MICAL3: variants seen among roughly 807,000 people sequenced by gnomAD.
MICAL3 encodes [F-actin]-monooxygenase MICAL3.
In MICAL3, 62 loss-of-function variants were observed where a neutral mutation model predicts 207.4. The ratio of observed to expected loss-of-function variants is 0.30; its 90% CI spans 0.24 to 0.37. The LOEUF is 0.37. Ranked by LOEUF, MICAL3 falls within the 10% of genes least tolerant of loss-of-function variation. The pLI is 1.00. For missense variants in MICAL3, 2,368 were observed against 2,635.6 expected, an observed-to-expected ratio of 0.90 and a Z score of 2.22; for synonymous variants, 1,077 against 1,069.3, an observed-to-expected ratio of 1.01 and a Z score of -0.14.
At chr22:17,941,435 G>GAAA (rs1933801438) in intron 1 of MICAL3, among the ~76,000 whole-genome samples, 4 of 152,208 alleles carry the variant, frequency 2.6e-5, no homozygotes, top group Non-Finnish European at 4.4e-5. Flanking sequence ...TTGGAGAGAG[G>GAAA]CCAATGGATT....
intron 1 of MICAL3, among the ~76,000 whole-genome samples, chr22:17,948,243 G>A (rs547474496): frequency 1.3e-5 from 2 of 152,352 alleles, no homozygotes; most frequent in East Asian, 1.9e-4. Context: ...GCCCCCGCAG[G>A]AGGATGCGCA....
In MICAL3 at chr22:17,963,520, G is replaced by A. The variant is rs567890586; in HGVS notation, c.-74-56634C>T. Among the ~76,000 whole-genome samples the A allele has an allele frequency of 1.1e-4, 17 of 152,150 alleles. No individual in the cohort carries two copies. The South Asian group carries it at 1.7e-3, about 15-fold the overall frequency. ...GAACACGTGATGGGCCTCCGTCGCC[G>A]GTTCCTTACCCTGCCACGGCCAAGC... On this transcript the variant is annotated intron_variant, in intron 1 of 31. Coordinates refer to ENST00000441493, the MANE Select transcript of MICAL3 (RefSeq NM_015241.3).
chr22:17,947,302 T>C (rs1281686154), intron 1 of MICAL3, among the ~76,000 whole-genome samples: 2 of 152,190 alleles, frequency 1.3e-5, no homozygotes, highest in Admixed American at 1.3e-4. Context: ...AAACTGCCAA[T>C]GAGACAATGT....
intron 19 of MICAL3, chr22:17,861,639 T>A (rs1926524042): frequency 1.0e-6 from 1 of 985,300 alleles, no homozygotes; most frequent in Non-Finnish European, 1.2e-6. Flanking sequence ...TTGTTCAAGC[T>A]TTTTCTAAAG....
At chr22:17,803,777 G>A (rs2061962999) in intron 29 of MICAL3, 1 of 976,752 alleles carries the variant, frequency 1.0e-6, no homozygotes, top group Non-Finnish European at 1.2e-6. Context: ...GGCGTCAGCG[G>A]GGTTAGTGTC....
chr22:17,819,376 T>C (rs1488886261), intron 25 of MICAL3, among the ~76,000 whole-genome samples: 1 of 152,150 alleles, frequency 6.6e-6, no homozygotes, highest in African/African-American at 2.4e-5. Flanking sequence ...ATTTGGTTCA[T>C]CTCAAATACA....
At chr22:18,020,226 A>C (rs2146517370) in intron 1 of MICAL3, 1 of 153,248 alleles carries the variant, frequency 6.5e-6, no homozygotes, top group South Asian at 2.1e-4. Context: ...ACCTGAGGAC[A>C]CTGGGAATAT....
chr22:17,826,274 G>C (rs1186479426), intron 22 of MICAL3, among the ~76,000 whole-genome samples: 3 of 152,010 alleles, frequency 2.0e-5, no homozygotes, highest in African/African-American at 2.4e-5. Context: ...CTGAAGGGGG[G>C]GTGTGCGTCT....
At chr22:17,899,249 C>T in intron 7 of MICAL3, 199 bp downstream of exon 7, 1 of 658,318 alleles carries the variant, frequency 1.5e-6, no homozygotes, top group African/African-American at 1.8e-5. Flanking sequence ...CACTATTCTC[C>T]CCCCGTTTTT....
chr22:17,842,243 C>T (rs998579000), intron 19 of MICAL3: 11 of 578,248 alleles, frequency 1.9e-5, no homozygotes, highest in Admixed American at 1.2e-4. Context: ...CAGGTCAGAG[C>T]GTTCTCTCTC....
At chr22:17,993,054 T>G (rs1962572) in intron 1 of MICAL3, among the ~76,000 whole-genome samples, 72,042 of 151,984 alleles carry the variant, frequency 0.47, 17,401 homozygotes, top group Middle Eastern at 0.61. Context: ...TTCCTACCCA[T>G]GCAAGGGTGG....
rs774945533 is a variant in MICAL3 at position 17,841,975 on chromosome 22, C to A, written c.2648G>T (p.Arg883Leu). The stretch of plus-strand genomic sequence containing the variant: ...GATCCGCTCTGGGGTGCCCCTCAGT[C>A]GCTTGGCGATGCTGGGCTCCTCCAG... ...NGLEEPSIAK[R>L]LRGTPERIEL... Residue 883 changes from arginine to leucine, a missense_variant, in exon 20 of 32, where the codon CGA (arginine) becomes CTA (leucine). Physicochemically the swap from Arg to Leu is moderately radical, Grantham distance 102. Coordinates refer to ENST00000441493, the MANE Select transcript of MICAL3 (RefSeq NM_015241.3). The surrounding 1 kb of genome is among the most constrained non-coding windows in gnomAD (Gnocchi z 4.2). 6.2e-7 allele frequency: 1 copy of A among 1,606,552 alleles called. No individual in the cohort carries two copies.
At chr22:17,974,803 G>A (rs1935567314) in intron 1 of MICAL3, among the ~76,000 whole-genome samples, 1 of 151,320 alleles carries the variant, frequency 6.6e-6, no homozygotes, top group African/African-American at 2.4e-5. Flanking sequence ...CGTAATATGT[G>A]CTTACTGTGT....
chr22:17,818,155 A>G lies in MICAL3; in HGVS notation c.4506T>C (p.Ala1502=). The G allele has an allele frequency of 6.2e-7, 1 of 1,603,360 alleles. No homozygotes were observed. The highest frequency in any genetic ancestry group is 8.5e-7 in the Non-Finnish European group (1 of 1,176,340). Residue 1502 remains alanine, a synonymous_variant, in exon 26 of 32, where the codon GCT becomes GCC. Coordinates refer to ENST00000441493, the MANE Select transcript of MICAL3 (RefSeq NM_015241.3). ...ATWMRPPREP[A]QPPREEVRKS... ...TCCGCACCTCCTCTCTGGGGGGCTG[A>G]GCAGGCTCCCGGGGGGGCCGCATCC... is the stretch of plus-strand genomic sequence containing the variant.
intron 1 of MICAL3, among the ~76,000 whole-genome samples, chr22:17,917,587 G>GCCAGAGCAT (rs1157927195): frequency 6.6e-6 from 1 of 152,064 alleles, no homozygotes; most frequent in Non-Finnish European, 1.5e-5. Flanking sequence ...CCACAAAGCA[G>GCCAGAGCAT]CCAGAGCATC....
At chr22:17,820,498 G>A (rs1921455877) in intron 25 of MICAL3, among the ~76,000 whole-genome samples, 1 of 152,160 alleles carries the variant, frequency 6.6e-6, no homozygotes, top group Non-Finnish European at 1.5e-5. Context: ...GGGACTACAG[G>A]CGCCCGCCAC....
chr22:17,941,979 C>G (rs1404158614), intron 1 of MICAL3, among the ~76,000 whole-genome samples: 1 of 152,208 alleles, frequency 6.6e-6, no homozygotes, highest in East Asian at 1.9e-4. Context: ...TCTCCCTTAC[C>G]TGCACGTCAA....
chr22:17,812,926 C>G (rs2062063919), intron 27 of MICAL3: 1 of 152,160 alleles, frequency 6.6e-6, no homozygotes, highest in Non-Finnish European at 1.5e-5. Flanking sequence ...CTTGAGTGAC[C>G]ATGTGCTTGT....
intron 7 of MICAL3, among the ~76,000 whole-genome samples, chr22:17,898,506 G>A (rs1404010854): frequency 6.6e-6 from 1 of 152,214 alleles, no homozygotes; most frequent in African/African-American, 2.4e-5. Context: ...CCGCTCTGCT[G>A]TCATATAAGG....
Sources: allele counts gnomAD v4.1 joint callset (sites outside exome capture counted in the v4.1 genomes callset), GRCh38; gene constraint gnomAD v4.1.1; non-coding constraint Gnocchi (gnomAD v3.1); transcripts MANE v1.5; gene names NCBI Gene and HGNC (gene_info 2026-07-23, HGNC 2026-07-21).